Variants in ARHGAP6 observed in about 807,000 individuals in gnomAD.
ARHGAP6 encodes the protein Rho GTPase activating protein 6.
In ARHGAP6, 16 loss-of-function variants were observed where a neutral mutation model predicts 55.7. That is an observed-to-expected ratio of 0.29 (90% CI 0.19 to 0.44). ARHGAP6 has a LOEUF of 0.44. Among genes scored for constraint, ARHGAP6 ranks in the 20% least tolerant of loss-of-function variants. The pLI, the probability that ARHGAP6 is intolerant of heterozygous loss-of-function variation, is 1.00. For missense variants in ARHGAP6, 698 were observed against 808.9 expected (o/e 0.86, Z 1.66); for synonymous variants, 382 against 360.9 (o/e 1.06, Z -0.66).
chrX:11,287,098 C>T (rs753541075), intron 1 of ARHGAP6, among the ~76,000 whole-genome samples: 3 of 111,932 alleles, frequency 2.7e-5, no homozygotes, highest in Admixed American at 9.4e-5. Context: ...TTATTAAATC[C>T]GTTTTTATAG....
At chrX:11,372,491 T>C (rs1273503503) in intron 1 of ARHGAP6, among the ~76,000 whole-genome samples, 1 of 111,051 alleles carries the variant, frequency 9.0e-6, no homozygotes, top group Non-Finnish European at 1.9e-5. Context: ...AAATTATTGT[T>C]GACTGGCACG....
intron 1 of ARHGAP6, among the ~76,000 whole-genome samples, chrX:11,464,083 G>A (rs780965972): frequency 7.1e-4 from 76 of 107,054 alleles, no homozygotes; most frequent in Non-Finnish European, 1.1e-3. Context: ...TTTTTGGATA[G>A]ATGCGGCTAA....
intron 1 of ARHGAP6, among the ~76,000 whole-genome samples, chrX:11,639,387 G>A (rs985039074): frequency 9.5e-6 from 1 of 104,997 alleles, no homozygotes; most frequent in African/African-American, 3.4e-5. Flanking sequence ...GACATGCCCC[G>A]GTATGTGATG....
intron 1 of ARHGAP6, among the ~76,000 whole-genome samples, chrX:11,663,368 C>A (rs187364847): frequency 3.6e-5 from 4 of 112,016 alleles, no homozygotes; most frequent in Non-Finnish European, 7.5e-5. Flanking sequence ...GGAAACAGAT[C>A]CAAGGCAAAC....
At chrX:11,556,551 C>T (rs1394441476) in intron 1 of ARHGAP6, among the ~76,000 whole-genome samples, 2 of 112,191 alleles carry the variant, frequency 1.8e-5, no homozygotes, top group Admixed American at 1.9e-4. Context: ...CTTTAAAAGA[C>T]CAACAGTCAA....
chrX:11,645,265 A>G (rs1329662984), intron 1 of ARHGAP6, among the ~76,000 whole-genome samples: 1 of 111,476 alleles, frequency 9.0e-6, no homozygotes, highest in Non-Finnish European at 1.9e-5. Context: ...CAGTGGCTAC[A>G]CAAATTTATG....
intron 1 of ARHGAP6, among the ~76,000 whole-genome samples, chrX:11,574,184 C>T (rs2051567442): frequency 1.8e-5 from 2 of 111,361 alleles, no homozygotes; most frequent in African/African-American, 6.5e-5. Flanking sequence ...GAAACTATTC[C>T]AATCAATACA....
At chrX:11,301,944 G>A (rs2048179583) in intron 1 of ARHGAP6, among the ~76,000 whole-genome samples, 1 of 112,010 alleles carries the variant, frequency 8.9e-6, no homozygotes, top group African/African-American at 3.2e-5. Context: ...TGTTGGCAGA[G>A]CTGGAATCAA....
At chrX:11,188,278 C>T (rs964134219) in intron 4 of ARHGAP6, among the ~76,000 whole-genome samples, 1 of 111,725 alleles carries the variant, frequency 9.0e-6, no homozygotes, top group African/African-American at 3.3e-5. Flanking sequence ...AAAAGAAATG[C>T]TCCATTGATA....
chrX:11,290,378 A>C, intron 1 of ARHGAP6: 1 of 374,884 alleles, frequency 2.7e-6, no homozygotes. Context: ...TATAAGACAC[A>C]ATACCTGATT....
At position 11,555,820 on chromosome X, in the gene ARHGAP6, G is replaced by A. The variant is rs181706310; in HGVS notation, c.588+108421C>T. On this transcript the variant is annotated intron_variant, in intron 1 of 12. Transcript: ENST00000337414. Reference sequence around the variant, plus strand: ...ATTCCAGGCAGAGGGAAGAGCGTACGCAGAGACCTCCACATGGGAACGTGC... The same window carrying A: ...ATTCCAGGCAGAGGGAAGAGCGTACACAGAGACCTCCACATGGGAACGTGC... Among the ~76,000 whole-genome samples the A allele has an allele frequency of 1.1e-4, 12 of 111,166 alleles. No homozygotes were observed. The East Asian group carries it at 2.8e-3, about 26-fold the overall frequency.
At chrX:11,406,016 G>A (rs749018750) in intron 1 of ARHGAP6, among the ~76,000 whole-genome samples, 34 of 110,959 alleles carry the variant, frequency 3.1e-4, no homozygotes, top group Non-Finnish European at 3.8e-4. Context: ...TGATCCTCCC[G>A]CCTCAGCTTC....
intron 1 of ARHGAP6, chrX:11,298,560 G>A: frequency 8.3e-7 from 1 of 1,211,066 alleles, no homozygotes; most frequent in Admixed American, 2.2e-5. Flanking sequence ...CCCTTCCTAT[G>A]GTTACGAGCC....
intron 1 of ARHGAP6, among the ~76,000 whole-genome samples, chrX:11,504,063 G>T (rs977948786): frequency 4.5e-5 from 5 of 110,996 alleles, no homozygotes; most frequent in African/African-American, 1.6e-4. Context: ...TTTTGGGGGG[G>T]GGCTACCCAA....
chrX:11,597,476 T>TC (rs1271303009), intron 1 of ARHGAP6, among the ~76,000 whole-genome samples: 1 of 111,839 alleles, frequency 8.9e-6, no homozygotes, highest in Admixed American at 9.5e-5. Flanking sequence ...CCACCTTTTT[T>TC]CATTGGTAGT....
Position 11,178,184 on chromosome X carries a change from G to A in ARHGAP6, c.1545C>T (p.Asn515=), listed in dbSNP as rs773541616. 10 of 1,211,299 alleles carry A rather than the reference G, an allele frequency of 8.3e-6. No homozygotes were observed. In the South Asian group the frequency reaches 1.8e-4, roughly 21 times the overall value. Reference sequence around the variant, plus strand: ...GTAGCAGGCGGTGGAGGGTGTCGCAGTTGCAGGGAGGTAGAAGGTATATGA... The same window carrying A: ...GTAGCAGGCGGTGGAGGGTGTCGCAATTGCAGGGAGGTAGAAGGTATATGA... ...QLLIYLLPPC[N]CDTLHRLLQF... is the part of the protein sequence containing the mutation. The change falls in exon 8 of 13, where the codon AAC becomes AAT. Residue 515 remains asparagine, a synonymous_variant. Transcript: ENST00000337414.
intron 1 of ARHGAP6, among the ~76,000 whole-genome samples, chrX:11,361,733 G>GA (rs773725418): frequency 3.6e-5 from 4 of 110,875 alleles, no homozygotes; most frequent in Non-Finnish European, 7.5e-5. Context: ...CAAAATAGGA[G>GA]AAAATTTTTG....
At position 11,412,000 on chromosome X, in the gene ARHGAP6, T is replaced by C. The variant is rs1490003685; in HGVS notation, c.589-157293A>G. ...AAACCACTAATCTATTTTCTGTTCC[T>C]ATGGATTTCTGGAAGGCATTACACT... On this transcript the variant is annotated intron_variant, in intron 1 of 12. Transcript: ENST00000337414. Among the ~76,000 whole-genome samples, 4 of 111,510 alleles carry C rather than the reference T, an allele frequency of 3.6e-5. No homozygotes were observed. The Admixed American group carries it at 3.8e-4, about 11-fold the overall frequency.
Position 11,333,960 on chromosome X carries a change from C to T in ARHGAP6, c.589-79253G>A, listed in dbSNP as rs1183500018. ...CTATGAGTTTCTCACACATGTAAAC[C>T]CTTTCGGAAAAGTTGGAGATAAAAA... On this transcript the variant is annotated intron_variant, in intron 1 of 12. Coordinates refer to ENST00000337414, the MANE Select transcript of ARHGAP6 (RefSeq NM_013427.3). 2.7e-5 allele frequency among the ~76,000 whole-genome samples: 3 copies of T among 111,637 alleles called. No homozygotes were observed. In the Admixed American group the frequency reaches 2.8e-4, roughly 11 times the overall value.
Sources: gnomAD v4.1 joint callset for allele counts (sites outside exome capture counted in the v4.1 genomes callset) on GRCh38, gnomAD v4.1.1 for gene constraint, MANE v1.5 for transcripts, NCBI Gene and HGNC (gene_info 2026-07-23, HGNC 2026-07-21) for gene names.